KIAA0825: variants seen among roughly 807,000 people sequenced by gnomAD.
KIAA0825 encodes the protein uncharacterized protein KIAA0825.
A neutral mutation model predicts 147.6 loss-of-function variants in KIAA0825; 119 were observed. The ratio of observed to expected loss-of-function variants is 0.81; its 90% CI spans 0.69 to 0.94. The LOEUF (loss-of-function observed/expected upper bound fraction) is 0.94. Among genes scored for constraint, KIAA0825 ranks in the 40% least tolerant of loss-of-function variants. KIAA0825 has a pLI of 0.00. For synonymous variants in KIAA0825, 470 were observed against 518.1 expected, an observed-to-expected ratio of 0.91 and a Z score of 1.26; for missense variants, 1,381 against 1,472.7, an observed-to-expected ratio of 0.94 and a Z score of 1.02.
chr5:94,268,920 A>T (rs1347134940), intron 20 of KIAA0825, among the ~76,000 whole-genome samples: 1 of 152,170 alleles, frequency 6.6e-6, no homozygotes, highest in Non-Finnish European at 1.5e-5. Flanking sequence ...CAAATTCCAC[A>T]GCACAGTGTC....
chr5:94,248,543 G>T (rs1303092016), intron 20 of KIAA0825, among the ~76,000 whole-genome samples: 1 of 152,128 alleles, frequency 6.6e-6, no homozygotes, highest in Non-Finnish European at 1.5e-5. Flanking sequence ...GCTCGGCCTT[G>T]GGTCACTCAC....
intron 1 of KIAA0825, among the ~76,000 whole-genome samples, chr5:94,603,219 T>C (rs1173324822): frequency 6.6e-6 from 1 of 152,076 alleles, no homozygotes; most frequent in East Asian, 1.9e-4. Flanking sequence ...AAACTAATAG[T>C]GAACCTCTTA....
intron 20 of KIAA0825, among the ~76,000 whole-genome samples, chr5:94,370,674 A>T (rs919860530): frequency 6.6e-6 from 1 of 152,100 alleles, no homozygotes; most frequent in African/African-American, 2.4e-5. Context: ...TGGGAGGCCG[A>T]GGCGGGCAGA....
In KIAA0825 at chr5:94,464,991, C is replaced by T; in HGVS notation, c.1941G>A (p.Trp647Ter). Residue 647 changes from tryptophan to a stop codon, truncating the protein, a stop_gained, in exon 11 of 21, where the codon TGG becomes TGA. Coordinates refer to ENST00000682413, the MANE Select transcript of KIAA0825 (RefSeq NM_001145678.3). LOFTEE classifies it high-confidence loss of function. Reference protein sequence around the residue: ...YFCWSLHYDLWTILPPKLAQE... With the variant: ...YFCWSLHYDL ...GGGCTAACTTAGGAGGCAGAATGGT[C>T]CAGAGATCGTAATGAAGAGACCAGC... 1 of 1,551,614 alleles carries T rather than the reference C, an allele frequency of 6.4e-7. No homozygotes were observed. Among genetic ancestry groups the T allele is most frequent in the Non-Finnish European group, 8.7e-7 (1 of 1,146,970 alleles).
chr5:94,611,214 A>G (rs757554405), intron 1 of KIAA0825, among the ~76,000 whole-genome samples: 6 of 152,156 alleles, frequency 3.9e-5, no homozygotes, highest in Admixed American at 6.5e-5. Context: ...AAAAAGCCCT[A>G]AATTTAGATT....
chr5:94,410,024 G>C (rs1305619958), intron 15 of KIAA0825, among the ~76,000 whole-genome samples: 1 of 151,962 alleles, frequency 6.6e-6, no homozygotes, highest in Non-Finnish European at 1.5e-5. Context: ...ACCCAGAAAT[G>C]AAAGAGATGA....
intron 20 of KIAA0825, among the ~76,000 whole-genome samples, chr5:94,369,974 A>T (rs1376520207): frequency 6.6e-6 from 1 of 152,228 alleles, no homozygotes; most frequent in Non-Finnish European, 1.5e-5. Context: ...TGGTACAACC[A>T]GCACTCCCAC....
intron 20 of KIAA0825, among the ~76,000 whole-genome samples, chr5:94,336,409 T>G: frequency 1.5e-5 from 2 of 131,296 alleles, no homozygotes; most frequent in South Asian, 2.4e-4. Flanking sequence ...ATCCCTCCCC[T>G]AGCCCCCCAC....
At chr5:94,171,072 G>C (rs977399278) in intron 20 of KIAA0825, among the ~76,000 whole-genome samples, 5 of 152,178 alleles carry the variant, frequency 3.3e-5, no homozygotes, top group Admixed American at 1.3e-4. Flanking sequence ...TGATAGGAGT[G>C]TGATATGGTT....
In KIAA0825 at chr5:94,471,713, C is replaced by T; in HGVS notation, c.1474G>A (p.Glu492Lys). Residue 492 changes from glutamate (E) to lysine (K), a missense_variant, in exon 9 of 21, where the codon GAA (glutamate) becomes AAA (lysine). Coordinates refer to ENST00000682413, the MANE Select transcript of KIAA0825 (RefSeq NM_001145678.3). Reference sequence around the variant, plus strand: ...AGTGGAAGCATTGTGTCAAGTTTTTCCATGATGTCAGAACAAAACTAGGGA... The same window carrying T: ...AGTGGAAGCATTGTGTCAAGTTTTTTCATGATGTCAGAACAAAACTAGGGA... ...KIGKFCSDIM[E>K]KLDTMLPLAL... The T allele has an allele frequency of 6.4e-7, 1 of 1,552,286 alleles. No homozygotes were observed. The highest frequency in any genetic ancestry group is 1.2e-5 in the South Asian group (1 of 84,048).
intron 20 of KIAA0825, among the ~76,000 whole-genome samples, chr5:94,382,405 G>A (rs1033088295): frequency 4.6e-5 from 7 of 152,080 alleles, no homozygotes; most frequent in Admixed American, 2.0e-4. Flanking sequence ...TTTCCTTACC[G>A]GTTCAATATT....
intron 20 of KIAA0825, among the ~76,000 whole-genome samples, chr5:94,372,163 T>C (rs1227731986): frequency 6.6e-6 from 1 of 152,236 alleles, no homozygotes; most frequent in Non-Finnish European, 1.5e-5. Context: ...TTGAAGGATA[T>C]AGCCCCCCTC....
chr5:94,346,960 C>A (rs1442700450), intron 20 of KIAA0825, among the ~76,000 whole-genome samples: 2 of 152,112 alleles, frequency 1.3e-5, no homozygotes, highest in Non-Finnish European at 2.9e-5. Context: ...GGTCTGGGGG[C>A]TGTTGTCGGG....
intron 20 of KIAA0825, among the ~76,000 whole-genome samples, chr5:94,194,041 A>G (rs1441934129): frequency 6.6e-6 from 1 of 152,202 alleles, no homozygotes; most frequent in Non-Finnish European, 1.5e-5. Context: ...AACCCAAGGT[A>G]AAGGTCAAAC....
At chr5:94,573,731 T>C (rs1252362238) in intron 2 of KIAA0825, among the ~76,000 whole-genome samples, 2 of 152,228 alleles carry the variant, frequency 1.3e-5, no homozygotes, top group Non-Finnish European at 2.9e-5. Context: ...TCTTTACAGA[T>C]GCAGATATTC....
At chr5:94,425,291 C>T (rs1172413413) in intron 14 of KIAA0825, among the ~76,000 whole-genome samples, 1 of 152,168 alleles carries the variant, frequency 6.6e-6, no homozygotes, top group Non-Finnish European at 1.5e-5. Flanking sequence ...ACACCTTCAT[C>T]AAGTGGGATT....
At chr5:94,541,716 G>T (rs929941166) in intron 2 of KIAA0825, among the ~76,000 whole-genome samples, 2 of 152,172 alleles carry the variant, frequency 1.3e-5, no homozygotes, top group African/African-American at 4.8e-5. Context: ...TTACCTTATG[G>T]TCAAACTGAT....
At chr5:94,229,079 T>C (rs1239933224) in intron 20 of KIAA0825, among the ~76,000 whole-genome samples, 1 of 152,222 alleles carries the variant, frequency 6.6e-6, no homozygotes, top group Non-Finnish European at 1.5e-5. Context: ...TACAGCACAG[T>C]CATCATGCTG....
At chr5:94,384,290 TG>T in intron 20 of KIAA0825, 77 bp downstream of exon 20, 1 of 982,806 alleles carries the variant, frequency 1.0e-6, no homozygotes, top group Admixed American at 2.3e-5. Flanking sequence ...GTAAAATCTG[TG>T]TACGTGTATA....
Sources: gnomAD v4.1 joint callset for allele counts (sites outside exome capture counted in the v4.1 genomes callset) on GRCh38, gnomAD v4.1.1 for gene constraint, MANE v1.5 for transcripts, NCBI Gene and HGNC (gene_info 2026-07-23, HGNC 2026-07-21) for gene names.